ADGRL2: variants seen among roughly 807,000 people sequenced by gnomAD.
The protein encoded by ADGRL2 is calcium-independent alpha-latrotoxin receptor 2.
Under a neutral mutation model 157.4 loss-of-function variants are expected in ADGRL2, and 44 were observed. That is an observed-to-expected ratio of 0.28 (90% CI 0.22 to 0.36). ADGRL2 has a LOEUF of 0.36. Ranked by LOEUF, ADGRL2 falls within the 10% of genes least tolerant of loss-of-function variation. The pLI is 1.00. For missense variants in ADGRL2, 1,510 were observed against 1,768.9 expected, an observed-to-expected ratio of 0.85 and a Z score of 2.63; for synonymous variants, 585 against 624.7, an observed-to-expected ratio of 0.94 and a Z score of 0.95.
chr1:81,929,874 T>C (rs1287952640), intron 3 of ADGRL2, among the ~76,000 whole-genome samples: 5 of 152,324 alleles, frequency 3.3e-5, no homozygotes, highest in South Asian at 2.1e-4. Flanking sequence ...ATCCAGGTAT[T>C]GTGCAGAGAG....
At chr1:81,427,601 A>C in intron 1 of ADGRL2, 1 of 703,712 alleles carries the variant, frequency 1.4e-6, no homozygotes, top group African/African-American at 1.7e-5. Flanking sequence ...ATATAGGAGC[A>C]GAAGGTTTTG....
chr1:81,311,596 T>C (rs975253449), intron 1 of ADGRL2, among the ~76,000 whole-genome samples: 1 of 152,328 alleles, frequency 6.6e-6, no homozygotes, highest in African/African-American at 2.4e-5. Context: ...GCTTATGTTA[T>C]ATATTTTTTA....
chr1:81,440,193 T>G (rs1372221035), intron 1 of ADGRL2, among the ~76,000 whole-genome samples: 2 of 152,234 alleles, frequency 1.3e-5, no homozygotes, highest in African/African-American at 2.4e-5. Flanking sequence ...AGACAAGTTC[T>G]TAACACAGTC....
upstream of ADGRL2, among the ~76,000 whole-genome samples, chr1:81,796,003 A>C (rs2087567027): frequency 6.7e-6 from 1 of 148,528 alleles, no homozygotes; most frequent in Non-Finnish European, 1.5e-5. Flanking sequence ...TTGTTTTTTG[A>C]GACGGAGTCT....
chr1:81,680,425 G>A (rs1313975229), intron 3 of ADGRL2, among the ~76,000 whole-genome samples: 4 of 152,102 alleles, frequency 2.6e-5, no homozygotes, highest in African/African-American at 4.8e-5. Flanking sequence ...GGCAGCAGCC[G>A]AAAATGGAAA....
intron 2 of ADGRL2, among the ~76,000 whole-genome samples, chr1:81,487,803 T>A (rs2078541068): frequency 6.6e-6 from 1 of 152,156 alleles, no homozygotes; most frequent in African/African-American, 2.4e-5. Flanking sequence ...ACTTGAAAAA[T>A]GGACTGGCTG....
chr1:81,463,243 T>C (rs1387057657), intron 2 of ADGRL2, among the ~76,000 whole-genome samples: 1 of 151,860 alleles, frequency 6.6e-6, no homozygotes, highest in African/African-American at 2.4e-5. Context: ...CAGATGTGGG[T>C]TGGATTCCTT....
chr1:81,795,416 GT>G (rs1049968526), upstream of ADGRL2, among the ~76,000 whole-genome samples: 15 of 151,736 alleles, frequency 9.9e-5, no homozygotes, highest in African/African-American at 3.1e-4. Flanking sequence ...ACATAAATAA[GT>G]TTTTTTGTGT....
intron 1 of ADGRL2, among the ~76,000 whole-genome samples, chr1:81,710,048 A>T (rs1215629353): frequency 6.6e-6 from 1 of 152,216 alleles, no homozygotes; most frequent in Admixed American, 6.5e-5. Context: ...AATAGGCGTT[A>T]CAAGGCAAGA....
rs979142122 is a variant in ADGRL2, at chr1:81,667,739, A to G, written c.-143+86759A>G. On this transcript the variant is annotated intron_variant, in intron 3 of 24. Transcript: ENST00000370721. The stretch of plus-strand genomic sequence containing the variant: ...CAAGATTTTGAGGGTGTATCTAAGT[A>G]TTTTTTTTAAATTCAGCATTCTCTA... Among the ~76,000 whole-genome samples, 6 of 152,114 alleles carry G rather than the reference A, an allele frequency of 3.9e-5. No homozygotes were observed. In the East Asian group the frequency reaches 1.2e-3, roughly 29 times the overall value.
chr1:81,327,420 T>C lies in ADGRL2; in HGVS notation c.-302+20911T>C, dbSNP rs1660978416. Among the ~76,000 whole-genome samples the C allele has an allele frequency of 2.0e-5, 3 of 152,094 alleles. No homozygotes were observed. In the South Asian group the frequency reaches 6.2e-4, roughly 32 times the overall value. On this transcript the variant is annotated intron_variant, in intron 1 of 24. Transcript: ENST00000370721. ...GAAATAGTGCTTTGGAAATTCGAGG[T>C]GGAAAGAAAGGCAGTCTGTGCCAGA...
rs1293156246 is a variant in ADGRL2 at position 81,871,970 on chromosome 1, T to C, written c.73+34913T>C. Among the ~76,000 whole-genome samples the C allele has an allele frequency of 3.3e-5, 5 of 152,202 alleles. No individual in the cohort carries two copies. In the South Asian group the frequency reaches 8.3e-4, roughly 25 times the overall value. On this transcript the variant is annotated intron_variant, in intron 2 of 23. Coordinates refer to ENST00000686636, the MANE Select transcript of ADGRL2 (RefSeq NM_001366006.2). The stretch of plus-strand genomic sequence containing the variant: ...ATTTGTCAATTTTGGCTTTTTTTGC[T>C]ATTGCTTTTGGTGTTTTAGACATGA...
At chr1:81,448,629 A>T (rs2077647109) in intron 2 of ADGRL2, among the ~76,000 whole-genome samples, 1 of 152,102 alleles carries the variant, frequency 6.6e-6, no homozygotes, top group South Asian at 2.1e-4. Context: ...TGACCCCAGG[A>T]GTTAGAGACA....
intron 3 of ADGRL2, among the ~76,000 whole-genome samples, chr1:81,916,982 A>AT (rs113752200): frequency 1.9e-4 from 28 of 150,950 alleles, no homozygotes; most frequent in South Asian, 4.2e-4. Flanking sequence ...AGAAAAAAAA[A>AT]ATACATATAT....
intron 3 of ADGRL2, among the ~76,000 whole-genome samples, chr1:81,649,984 A>G (rs2082381838): frequency 1.3e-5 from 2 of 152,156 alleles, no homozygotes; most frequent in Non-Finnish European, 2.9e-5. Context: ...AATTAAATGT[A>G]AAATCAATTT....
At chr1:81,456,603 T>G (rs2077813437) in intron 2 of ADGRL2, among the ~76,000 whole-genome samples, 1 of 152,050 alleles carries the variant, frequency 6.6e-6, no homozygotes, top group Non-Finnish European at 1.5e-5. Flanking sequence ...TAGTCATGTA[T>G]TTGGCCCCAT....
intron 2 of ADGRL2, among the ~76,000 whole-genome samples, chr1:81,455,642 C>T (rs2077789736): frequency 6.6e-6 from 1 of 152,104 alleles, no homozygotes; most frequent in South Asian, 2.1e-4. Flanking sequence ...TTGAAGAAGT[C>T]ATTTTTGAAA....
At chr1:81,947,205 C>T (rs577695987) in intron 6 of ADGRL2, among the ~76,000 whole-genome samples, 3 of 152,062 alleles carry the variant, frequency 2.0e-5, no homozygotes, top group African/African-American at 7.2e-5. Context: ...GTTGTGTTTT[C>T]TATTATTATT....
intron 1 of ADGRL2, among the ~76,000 whole-genome samples, chr1:81,317,129 C>T (rs1660161554): frequency 6.6e-6 from 1 of 152,020 alleles, no homozygotes; most frequent in Non-Finnish European, 1.5e-5. Context: ...GTACTATGGG[C>T]ATCTAGTGGG....
Sources: allele counts gnomAD v4.1 joint callset (sites outside exome capture counted in the v4.1 genomes callset), GRCh38; gene constraint gnomAD v4.1.1; transcripts MANE v1.5; gene names NCBI Gene and HGNC (gene_info 2026-07-23, HGNC 2026-07-21).